DAB1: variants seen among roughly 807,000 people sequenced by gnomAD.
DAB1 encodes disabled homolog 1.
DAB1 carries 15 observed loss-of-function variants against 64.6 expected under a neutral mutation model. The observed-to-expected ratio is 0.23, with a 90% CI of 0.16 to 0.36. The LOEUF (loss-of-function observed/expected upper bound fraction) is 0.36. Ranked by LOEUF, DAB1 falls within the 10% of genes least tolerant of loss-of-function variation. The probability of loss-of-function intolerance (pLI) is 1.00; values close to 1 mark genes in which losing one functional copy is unlikely to be tolerated. For synonymous variants in DAB1, 235 were observed against 251.9 expected (o/e 0.93, Z 0.64); for missense variants, 596 against 706.7 (o/e 0.84, Z 1.78).
chr1:58,484,376 C>A (rs1345403586), intron 3 of DAB1, among the ~76,000 whole-genome samples: 1 of 152,174 alleles, frequency 6.6e-6, no homozygotes, highest in Non-Finnish European at 1.5e-5. Flanking sequence ...GTAGATTATA[C>A]TTTTTGTTAT....
At chr1:57,385,886 C>T (rs1167431705) in intron 1 of DAB1, among the ~76,000 whole-genome samples, 2 of 152,170 alleles carry the variant, frequency 1.3e-5, no homozygotes, top group Non-Finnish European at 2.9e-5. Flanking sequence ...TCATTGATCA[C>T]TCCCCTTGGA....
intron 7 of DAB1, among the ~76,000 whole-genome samples, chr1:57,495,601 A>T (rs1644221094): frequency 6.6e-6 from 1 of 152,194 alleles, no homozygotes; most frequent in Admixed American, 6.5e-5. Flanking sequence ...TGATTGTAAG[A>T]TGTCAGCAAC....
At chr1:57,952,688 T>C (rs1392357749) in intron 5 of DAB1, among the ~76,000 whole-genome samples, 3 of 152,078 alleles carry the variant, frequency 2.0e-5, no homozygotes, top group East Asian at 1.9e-4. Flanking sequence ...CAAAAAAGCA[T>C]GGAATAAAAT....
chr1:57,010,016 G>A (rs1040897206), intron 14 of DAB1, among the ~76,000 whole-genome samples: 7 of 152,150 alleles, frequency 4.6e-5, no homozygotes, highest in Non-Finnish European at 1.0e-4. Context: ...AGGATGCAGG[G>A]TGCAGGGTCC....
At chr1:57,747,807 CAAAAAAAAAAAAAAAAA>C (rs373640023) in intron 6 of DAB1, among the ~76,000 whole-genome samples, 1 of 43,960 alleles carries the variant, frequency 2.3e-5, no homozygotes, top group Admixed American at 3.4e-4. Context: ...GGACTCTGTC[CAAAAAAAAAAAAAAAAA>C]AAAAAAAAAG....
At chr1:57,349,810 G>T (rs543121800) in intron 1 of DAB1, among the ~76,000 whole-genome samples, 136 of 152,298 alleles carry the variant, frequency 8.9e-4, no homozygotes, top group African/African-American at 3.1e-3. Context: ...TTGGCAGTTT[G>T]TCCAAGGATA....
intron 4 of DAB1, among the ~76,000 whole-genome samples, chr1:58,286,586 A>G (rs940651383): frequency 1.9e-4 from 29 of 152,260 alleles, no homozygotes; most frequent in African/African-American, 7.0e-4. Context: ...ATCACTGACT[A>G]TTAGAGAAAT....
chr1:57,115,628 A>C (rs1656041670), intron 4 of DAB1, among the ~76,000 whole-genome samples: 1 of 152,138 alleles, frequency 6.6e-6, no homozygotes, highest in Non-Finnish European at 1.5e-5. Context: ...ACTGTATTGC[A>C]TGTCACAGTT....
At chr1:57,724,384 G>T (rs1647184703) in intron 6 of DAB1, among the ~76,000 whole-genome samples, 1 of 151,780 alleles carries the variant, frequency 6.6e-6, no homozygotes, top group African/African-American at 2.4e-5. Context: ...AAGAAGAAAG[G>T]GACAGAGGAA....
intron 1 of DAB1, among the ~76,000 whole-genome samples, chr1:57,844,407 T>C (rs1176586338): frequency 2.0e-5 from 3 of 152,174 alleles, no homozygotes; most frequent in Non-Finnish European, 2.9e-5. Context: ...CTCAGACATA[T>C]TGAGACCAGC....
chr1:57,136,289 T>C (rs968854301), intron 4 of DAB1, among the ~76,000 whole-genome samples: 1 of 152,172 alleles, frequency 6.6e-6, no homozygotes, highest in African/African-American at 2.4e-5. Context: ...TCAAAGCTCA[T>C]CAATCTCCCA....
At chr1:58,331,914 G>A (rs563877116) in intron 4 of DAB1, among the ~76,000 whole-genome samples, 3 of 152,132 alleles carry the variant, frequency 2.0e-5, no homozygotes, top group East Asian at 1.9e-4. Flanking sequence ...TTTATGGAAC[G>A]CATCTCTTCC....
chr1:57,775,990 C>T (rs990916686), intron 6 of DAB1, among the ~76,000 whole-genome samples: 2 of 151,512 alleles, frequency 1.3e-5, no homozygotes, highest in African/African-American at 2.4e-5. Flanking sequence ...TTTCTTGTCC[C>T]AAAGCCTACT....
chr1:58,095,606 A>AT (rs1178036226), intron 5 of DAB1, among the ~76,000 whole-genome samples: 8 of 152,196 alleles, frequency 5.3e-5, no homozygotes, highest in African/African-American at 1.9e-4. Context: ...CTCAGACTCC[A>AT]TAACAATAGG....
chr1:57,522,474 G>C (rs1644539576), intron 7 of DAB1, among the ~76,000 whole-genome samples: 1 of 152,116 alleles, frequency 6.6e-6, no homozygotes, highest in Non-Finnish European at 1.5e-5. Flanking sequence ...TTCTCACACT[G>C]CTAATAAAGA....
chr1:58,099,858 G>A (rs1283800768), intron 5 of DAB1, among the ~76,000 whole-genome samples: 1 of 152,196 alleles, frequency 6.6e-6, no homozygotes, highest in Non-Finnish European at 1.5e-5. Flanking sequence ...GCTCAGTTTT[G>A]AACACCACTC....
chr1:57,409,739 G>A (rs1393936052), intron 1 of DAB1, among the ~76,000 whole-genome samples: 2 of 152,180 alleles, frequency 1.3e-5, no homozygotes, highest in East Asian at 1.9e-4. Context: ...AACCCAGGAG[G>A]TAGAGGTTGC....
At chr1:57,521,036 G>A (rs1644519957) in intron 7 of DAB1, among the ~76,000 whole-genome samples, 1 of 152,088 alleles carries the variant, frequency 6.6e-6, no homozygotes, top group Non-Finnish European at 1.5e-5. Flanking sequence ...ATTCACTATA[G>A]GGACACCCAG....
intron 7 of DAB1, among the ~76,000 whole-genome samples, chr1:57,446,333 C>T (rs911341644): frequency 2.6e-5 from 4 of 152,100 alleles, no homozygotes; most frequent in Non-Finnish European, 5.9e-5. Context: ...CGTGGTGGCT[C>T]ATGCCTGTAA....
Sources: allele counts gnomAD v4.1 joint callset (sites outside exome capture counted in the v4.1 genomes callset), GRCh38; gene constraint gnomAD v4.1.1; transcripts MANE v1.5; gene names NCBI Gene and HGNC (gene_info 2026-07-23, HGNC 2026-07-21).